The following CROCC variants were observed in gnomAD, a reference collection of about 807,000 sequenced individuals.
The protein encoded by CROCC is rootletin.
In CROCC, 180 loss-of-function variants were observed where a neutral mutation model predicts 245.2. The ratio of observed to expected loss-of-function variants is 0.73; its 90% CI spans 0.65 to 0.83. CROCC has a LOEUF of 0.83. CROCC is among the 40% of genes least tolerant of loss of function. CROCC has a pLI of 0.00. For missense variants in CROCC, 2,688 were observed against 2,779.4 expected (o/e 0.97, Z 0.74); for synonymous variants, 1,205 against 1,241.6 (o/e 0.97, Z 0.62).
upstream of CROCC, among the ~76,000 whole-genome samples, chr1:16,919,231 C>A (rs2075354723): frequency 6.6e-6 from 1 of 152,276 alleles, no homozygotes; most frequent in Admixed American, 6.5e-5. Flanking sequence ...AGAAGTAGAG[C>A]CTCAAAGCGC....
At position 16,970,014 on chromosome 1, in the gene CROCC, ACCT is replaced by A; in HGVS notation, c.5451+82_5451+84del. 5 of 1,487,602 alleles carry A rather than the reference ACCT, an allele frequency of 3.4e-6. No homozygotes were observed. The Admixed American group carries it at 1.2e-4, about 35-fold the overall frequency. 92.2% of individuals were successfully genotyped at this position (1,487,602 alleles called of 1,614,324 possible). On this transcript the variant is annotated intron_variant, in intron 33 of 36. Transcript: ENST00000375541. Reference sequence around the variant, plus strand: ...GGTGGGGACGTTCCCACCCATCTCAACCTCATCCCAAACCCTGGTGCAGCCTCC... The same window carrying A: ...GGTGGGGACGTTCCCACCCATCTCAACATCCCAAACCCTGGTGCAGCCTCC...
At position 16,969,918 on chromosome 1, in the gene CROCC, T is replaced by C. The variant is rs780081687; in HGVS notation, c.5435T>C (p.Leu1812Pro). ...CAGCGGGTGGAGGCCGAGGGCCAGC[T>C]ACAACAGCTACGGGAGGTGAGGGCC... is the stretch of plus-strand genomic sequence containing the variant. The part of the protein sequence containing the change: ...ELQRVEAEGQ[L>P]QQLREVLRQR... The change falls in exon 33 of 37, where the codon CTA becomes CCA. Residue 1812 changes from leucine (L) to proline (P), a missense_variant. Leu to Pro is a moderately conservative substitution (Grantham distance 98). This residue lies in a region of CROCC where 1,218 missense variants were observed against 1,286.3 expected (regional missense o/e 0.95). Coordinates refer to ENST00000375541, the MANE Select transcript of CROCC (RefSeq NM_014675.5). The C allele has an allele frequency of 6.3e-7, 1 of 1,598,928 alleles. No individual in the cohort carries two copies. The highest frequency in any genetic ancestry group is 8.5e-7 in the Non-Finnish European group (1 of 1,172,302).
chr1:16,971,420 A>C lies in CROCC; in HGVS notation c.5785-45A>C. 2.0e-6 allele frequency: 3 copies of C among 1,493,720 alleles called. No homozygotes were observed. The South Asian group carries it at 3.8e-5, about 19-fold the overall frequency. 92.5% of individuals were successfully genotyped at this position (1,493,720 alleles called of 1,614,324 possible). On this transcript the variant is annotated intron_variant, in intron 35 of 36. Transcript: ENST00000375541. ...GACAACCCGTCACACATGCACACAC[A>C]CACTCACACTGGGCCAGAACGCGGA...
chr1:16,938,367 C>T (rs1205166541), intron 10 of CROCC, 33 bp from the exon 11 acceptor site: 4 of 1,537,588 alleles, frequency 2.6e-6, no homozygotes, highest in Admixed American at 4.0e-5. Context: ...GACAGAACCC[C>T]AACCACCCTT....
intron 27 of CROCC, among the ~76,000 whole-genome samples, chr1:16,963,185 GAAA>G (rs56708042): frequency 2.3e-4 from 24 of 105,892 alleles, no homozygotes; most frequent in Non-Finnish European, 1.2e-4. Context: ...CTCCGTCTCA[GAAA>G]AAAAAAAAAA....
At position 16,938,858 on chromosome 1, in the gene CROCC, C is replaced by G. The variant is rs772075316; in HGVS notation, c.1375-51C>G. On this transcript the variant is annotated intron_variant, in intron 11 of 36. Coordinates refer to ENST00000375541, the MANE Select transcript of CROCC (RefSeq NM_014675.5). ...CCTGGGCGTCTTTGCCCAGCTAACC[C>G]CGCGGTTCCTAACTCAGCAGCCTCC... 6.4e-6 allele frequency: 10 copies of G among 1,560,208 alleles called. No individual in the cohort carries two copies. In the Admixed American group the frequency reaches 1.7e-4, roughly 26 times the overall value.
In CROCC at chr1:16,965,708, T is replaced by G. The variant is rs747314332; in HGVS notation, c.4406-15T>G. ...TGGCTTCTGCATCACTGAGCAAGTCTTCTTTCTCTTCTAGGAAGCGGGGAA... is the reference window on the plus strand; with the variant it reads ...TGGCTTCTGCATCACTGAGCAAGTCGTCTTTCTCTTCTAGGAAGCGGGGAA... On this transcript the variant is annotated splice_polypyrimidine_tract_variant and intron_variant, in intron 27 of 36. Coordinates refer to ENST00000375541, the MANE Select transcript of CROCC (RefSeq NM_014675.5). 6 of 1,582,630 alleles carry G rather than the reference T, an allele frequency of 3.8e-6. No homozygotes were observed. The highest frequency in any genetic ancestry group is 4.3e-6 in the Non-Finnish European group (5 of 1,153,398).
intron 1 of CROCC, among the ~76,000 whole-genome samples, chr1:16,916,683 T>G (rs1040139902): frequency 5.9e-5 from 9 of 152,400 alleles, no homozygotes; most frequent in South Asian, 2.1e-4. Context: ...CCAATTTTTT[T>G]TATTTTTTTG....
intron 27 of CROCC, among the ~76,000 whole-genome samples, chr1:16,965,017 T>A (rs1026805529): frequency 6.6e-6 from 1 of 152,048 alleles, no homozygotes; most frequent in Non-Finnish European, 1.5e-5. Flanking sequence ...GGTTTTACCA[T>A]GTTGGCCAGG....
rs753611509 is a variant in CROCC, at chr1:16,972,340, A to G, written c.5968-20A>G. 6.2e-7 allele frequency: 1 copy of G among 1,610,252 alleles called. No individual in the cohort carries two copies. Among genetic ancestry groups the G allele is most frequent in the Non-Finnish European group, 8.5e-7 (1 of 1,176,900 alleles). ...CCAGGCTGAGGACCTGGCTGGCCTTACCTTCCCTTTCTTCCCCAGGTGTCC... is the reference window on the plus strand; with the variant it reads ...CCAGGCTGAGGACCTGGCTGGCCTTGCCTTCCCTTTCTTCCCCAGGTGTCC... On this transcript the variant is annotated intron_variant, in intron 36 of 36. Coordinates refer to ENST00000375541, the MANE Select transcript of CROCC (RefSeq NM_014675.5).
In CROCC at chr1:16,924,479, G is replaced by C. The variant is rs1477171550; in HGVS notation, c.351G>C (p.Arg117Ser). The change falls in exon 3 of 37, where the codon AGG becomes AGC. Residue 117 changes from arginine (R) to serine (S), a missense_variant and splice_region_variant. Arg to Ser is a moderately radical substitution (Grantham distance 110). Transcript: ENST00000375541. ...LAIKYNAVSERLEQALRLEPG... is the reference protein window; with the variant it reads ...LAIKYNAVSESLEQALRLEPG... ...TTAAGTACAATGCGGTCAGCGAGAG[G>C]GTGGGTGCCGCCCAGGTGGTGGACT... 1 of 1,611,168 alleles carries C rather than the reference G, an allele frequency of 6.2e-7. No homozygotes were observed. The highest frequency in any genetic ancestry group is 8.5e-7 in the Non-Finnish European group (1 of 1,178,086).
Position 16,958,676 on chromosome 1 carries a change from AGCAGGCGGGAGACCCTGG to A in CROCC, c.3961_3978del (p.Arg1321_Gly1326del). On this transcript the variant is annotated inframe_deletion, in exon 26 of 37. Coordinates refer to ENST00000375541, the MANE Select transcript of CROCC (RefSeq NM_014675.5). Reference sequence around the variant, plus strand: ...GCTGGGCGAGCGGGCAGAGAAGGAGAGCAGGCGGGAGACCCTGGGCCTCCGGCAGAGGCTGCTGAAGGG... The same window carrying A: ...GCTGGGCGAGCGGGCAGAGAAGGAGAGCCTCCGGCAGAGGCTGCTGAAGGG... 6.4e-7 allele frequency: 1 copy of A among 1,556,716 alleles called. No individual in the cohort carries two copies. The highest frequency in any genetic ancestry group is 1.4e-5 in the African/African-American group (1 of 73,710).
At chr1:16,939,761 C>A in intron 12 of CROCC, 133 bp from the exon 13 acceptor site, 4 of 1,123,138 alleles carry the variant, frequency 3.6e-6, no homozygotes, top group Non-Finnish European at 5.2e-6. Context: ...AGGCCCCTAT[C>A]CTGCCCCAGG....
At chr1:16,955,288 TG>T in intron 23 of CROCC, 23 bp from the exon 24 acceptor site, 1 of 1,602,482 alleles carries the variant, frequency 6.2e-7, no homozygotes. Context: ...ACCGCTGCCC[TG>T]GGGACACCTG....
chr1:16,972,068 C>T (rs568126899), intron 36 of CROCC, among the ~76,000 whole-genome samples: 6 of 152,334 alleles, frequency 3.9e-5, no homozygotes, highest in Non-Finnish European at 8.8e-5. Flanking sequence ...TCTGCTAGGC[C>T]GGGCTGGGTC....
At position 16,955,265 on chromosome 1, in the gene CROCC, G is replaced by GC. The variant is rs776247463; in HGVS notation, c.3466-47_3466-46insC. On this transcript the variant is annotated intron_variant, in intron 23 of 36. Transcript: ENST00000375541. ...TCTGGGGTACAAGACCCAGCTTGAC[G>GC]GGGGGGTCCCTGACCGCTGCCCTGG... 34 of 1,518,754 alleles carry GC rather than the reference G, an allele frequency of 2.2e-5. No homozygotes were observed. In the African/African-American group the frequency reaches 5.7e-4, roughly 25 times the overall value. The allele number at this position is 1,518,754 out of a possible 1,614,324, so 94.1% of individuals were successfully genotyped here.
rs764225967 is a variant in CROCC at position 16,930,318 on chromosome 1, C to T, written c.654C>T (p.Ala218=). Reference sequence around the variant, plus strand: ...AGCACAGCCAAGACCTGGAAAGCGCCCTCATCCGGCTGGAGGAGGAGCAGC... The same window carrying T: ...AGCACAGCCAAGACCTGGAAAGCGCTCTCATCCGGCTGGAGGAGGAGCAGC... ...DTEHSQDLES[A]LIRLEEEQQR... is the part of the protein sequence containing the mutation. Residue 218 remains alanine, a synonymous_variant, in exon 6 of 37, where the codon GCC becomes GCT. Transcript: ENST00000375541. The T allele has an allele frequency of 3.1e-6, 5 of 1,609,038 alleles. No homozygotes were observed. The highest frequency in any genetic ancestry group is 4.2e-6 in the Non-Finnish European group (5 of 1,178,496).
rs751745145 is a variant in CROCC at position 16,969,205 on chromosome 1, G to A, written c.5166G>A (p.Gly1722=). 4 of 1,610,654 alleles carry A rather than the reference G, an allele frequency of 2.5e-6. No individual in the cohort carries two copies. Among genetic ancestry groups the A allele is most frequent in the Non-Finnish European group, 3.4e-6 (4 of 1,177,824 alleles). ...GALAKVEESE[G]ALRDKVRGLT... ...TGGCTAAGGTGGAGGAAAGCGAGGG[G>A]GCCCTGCGGGACAAGGTGCGGGGCC... Residue 1722 remains glycine (G), a synonymous_variant, in exon 32 of 37, where the codon GGG becomes GGA. Coordinates refer to ENST00000375541, the MANE Select transcript of CROCC (RefSeq NM_014675.5).
Position 16,972,345 on chromosome 1 carries a change from C to T in CROCC, c.5968-15C>T. The T allele has an allele frequency of 1.9e-6, 3 of 1,612,490 alleles. No individual in the cohort carries two copies. In the South Asian group the frequency reaches 3.3e-5, roughly 18 times the overall value. ...CTGAGGACCTGGCTGGCCTTACCTT[C>T]CCTTTCTTCCCCAGGTGTCCACACT... On this transcript the variant is annotated splice_polypyrimidine_tract_variant and intron_variant, in intron 36 of 36. Coordinates refer to ENST00000375541, the MANE Select transcript of CROCC (RefSeq NM_014675.5).
Sources: allele counts gnomAD v4.1 joint callset (sites outside exome capture counted in the v4.1 genomes callset), GRCh38; gene constraint gnomAD v4.1.1; regional missense constraint gnomAD v4.1.1; transcripts MANE v1.5; gene names NCBI Gene and HGNC (gene_info 2026-07-23, HGNC 2026-07-21).